Variants in DTNA observed in about 807,000 individuals in gnomAD.
The protein encoded by DTNA is dystrophin-related protein 3.
A neutral mutation model predicts 100.7 loss-of-function variants in DTNA; 43 were observed. The observed-to-expected ratio is 0.43, with a 90% CI of 0.33 to 0.55. The LOEUF (loss-of-function observed/expected upper bound fraction) is 0.55, where lower values mean the gene tolerates loss of function less well. Among genes scored for constraint, DTNA ranks in the 20% least tolerant of loss-of-function variants. The probability of loss-of-function intolerance (pLI) is 0.04; values close to 1 mark genes in which losing one functional copy is unlikely to be tolerated. For synonymous variants in DTNA, 349 were observed against 347.9 expected (o/e 1.00, Z -0.04); for missense variants, 798 against 953.9 (o/e 0.84, Z 2.15).
intron 1 of DTNA, among the ~76,000 whole-genome samples, chr18:34,696,170 C>T (rs2080503446): frequency 6.6e-6 from 1 of 152,104 alleles, no homozygotes; most frequent in African/African-American, 2.4e-5. Flanking sequence ...GGATAAGATA[C>T]CCCTGTCTTA....
intron 16 of DTNA, among the ~76,000 whole-genome samples, chr18:34,858,756 A>G (rs1004105400): frequency 1.3e-5 from 2 of 152,072 alleles, no homozygotes; most frequent in African/African-American, 4.8e-5. Context: ...GATTACAGGC[A>G]TGCGCCACCA....
chr18:34,722,487 T>C (rs2085550080), intron 1 of DTNA, among the ~76,000 whole-genome samples: 1 of 152,136 alleles, frequency 6.6e-6, no homozygotes, highest in Admixed American at 6.5e-5. Context: ...ATAAATCAAA[T>C]TATAAGGATT....
chr18:34,622,937 C>G (rs979594038), intron 1 of DTNA, among the ~76,000 whole-genome samples: 13 of 152,294 alleles, frequency 8.5e-5, no homozygotes, highest in African/African-American at 3.1e-4. Context: ...TAAATCCTCT[C>G]CCATATATCT....
At chr18:34,657,931 C>T (rs2074626432) in intron 1 of DTNA, among the ~76,000 whole-genome samples, 1 of 152,298 alleles carries the variant, frequency 6.6e-6, no homozygotes, top group Middle Eastern at 3.4e-3. Flanking sequence ...TTAATGAAAC[C>T]TCTGCTCAGC....
intron 1 of DTNA, among the ~76,000 whole-genome samples, chr18:34,684,614 G>T (rs1295535399): frequency 6.6e-6 from 1 of 152,126 alleles, no homozygotes; most frequent in East Asian, 1.9e-4. Context: ...ACATACATGT[G>T]CATGTGTCTT....
chr18:34,512,635 C>T (rs1285861163), intron 1 of DTNA, among the ~76,000 whole-genome samples: 4 of 152,030 alleles, frequency 2.6e-5, no homozygotes, highest in East Asian at 1.9e-4. Flanking sequence ...GGAGTGCAAC[C>T]GTAACTCCAC....
chr18:34,593,478 A>G (rs1286290017), intron 1 of DTNA: 3 of 152,238 alleles, frequency 2.0e-5, no homozygotes, highest in Non-Finnish European at 2.9e-5. Flanking sequence ...TAGAATTCAC[A>G]TATGTTCTGG....
At chr18:34,493,477 T>C (rs1460839865) in exon 1 of DTNA, 1 of 152,176 alleles carries the variant, frequency 6.6e-6, no homozygotes, top group Non-Finnish European at 1.5e-5. Context: ...TTCTAAGAGT[T>C]TGGCGAGTCA....
chr18:34,665,192 C>G (rs957081347), intron 1 of DTNA, among the ~76,000 whole-genome samples: 1 of 152,008 alleles, frequency 6.6e-6, no homozygotes, highest in Non-Finnish European at 1.5e-5. Context: ...GTAAAAGTAT[C>G]TCTTTGTCTA....
At chr18:34,592,797 C>A (rs189720757) in intron 1 of DTNA, among the ~76,000 whole-genome samples, 1 of 152,234 alleles carries the variant, frequency 6.6e-6, no homozygotes, top group Admixed American at 6.5e-5. Context: ...CTTACTACAG[C>A]CATTGCCATC....
chr18:34,544,574 AT>A (rs2044576283), intron 1 of DTNA, among the ~76,000 whole-genome samples: 1 of 152,132 alleles, frequency 6.6e-6, no homozygotes, highest in Non-Finnish European at 1.5e-5. Context: ...TTTAGTTGAC[AT>A]AACAATTTTA....
intron 1 of DTNA, among the ~76,000 whole-genome samples, chr18:34,697,971 G>A (rs1341918838): frequency 6.6e-6 from 1 of 152,154 alleles, no homozygotes; most frequent in African/African-American, 2.4e-5. Context: ...AAACAGTAAC[G>A]TTATTTTCAG....
intron 1 of DTNA, among the ~76,000 whole-genome samples, chr18:34,734,596 A>G (rs146179705): frequency 2.0e-5 from 3 of 152,270 alleles, no homozygotes; most frequent in South Asian, 2.1e-4. Context: ...ATTCAGGGCA[A>G]TCTTAGCAGA....
At chr18:34,727,251 GA>G (rs1401491392) in intron 1 of DTNA, among the ~76,000 whole-genome samples, 1 of 152,204 alleles carries the variant, frequency 6.6e-6, no homozygotes, top group Non-Finnish European at 1.5e-5. Flanking sequence ...GGACTGTCCT[GA>G]AGCCTTCTGA....
chr18:34,754,010 T>C (rs2092598779), intron 1 of DTNA, among the ~76,000 whole-genome samples: 2 of 152,220 alleles, frequency 1.3e-5, no homozygotes, highest in African/African-American at 4.8e-5. Context: ...TGATGAAGCT[T>C]CATTAGTAAC....
chr18:34,558,062 A>T (rs2046277990), intron 1 of DTNA: 1 of 153,834 alleles, frequency 6.5e-6, no homozygotes, highest in Admixed American at 6.5e-5. Context: ...TGCGGGATAT[A>T]ATCTCATGGT....
chr18:34,823,089 T>C (rs1048540606), intron 9 of DTNA, among the ~76,000 whole-genome samples: 2 of 152,260 alleles, frequency 1.3e-5, no homozygotes, highest in Non-Finnish European at 2.9e-5. Flanking sequence ...CATATTTGTT[T>C]CTTTTTCAAA....
chr18:34,745,521 G>C (rs1262503872), intron 1 of DTNA, among the ~76,000 whole-genome samples: 1 of 152,130 alleles, frequency 6.6e-6, no homozygotes, highest in Non-Finnish European at 1.5e-5. Flanking sequence ...TAAAACACGT[G>C]GGATTTTCAG....
At chr18:34,735,102 A>G (rs2089269071) in intron 1 of DTNA, among the ~76,000 whole-genome samples, 2 of 152,178 alleles carry the variant, frequency 1.3e-5, no homozygotes, top group Admixed American at 1.3e-4. Context: ...ACATATATAT[A>G]CATGTGTAAG....
Sources: gnomAD v4.1 joint callset for allele counts (sites outside exome capture counted in the v4.1 genomes callset) on GRCh38, gnomAD v4.1.1 for gene constraint, MANE v1.5 for transcripts, NCBI Gene and HGNC (gene_info 2026-07-23, HGNC 2026-07-21) for gene names.